The following F7 variants were observed in gnomAD, a reference collection of about 807,000 sequenced individuals.
F7 encodes the protein FVII coagulation protein.
A neutral mutation model predicts 47.5 loss-of-function variants in F7; 38 were observed. That is an observed-to-expected ratio of 0.80 (90% confidence interval 0.62 to 1.05). The LOEUF (loss-of-function observed/expected upper bound fraction) is 1.05, where lower values mean the gene tolerates loss of function less well. Ranked by LOEUF, F7 falls within the 50% of genes least tolerant of loss-of-function variation. The probability of loss-of-function intolerance (pLI) is 0.00; values close to 1 mark genes in which losing one functional copy is unlikely to be tolerated. For missense variants in F7, 575 were observed against 605.4 expected, an observed-to-expected ratio of 0.95 and a Z score of 0.53; for synonymous variants, 244 against 258.5, an observed-to-expected ratio of 0.94 and a Z score of 0.54.
intron 5 of F7, among the ~76,000 whole-genome samples, chr13:113,116,387 C>G (rs2036192727): frequency 6.6e-6 from 1 of 152,218 alleles, no homozygotes; most frequent in Admixed American, 6.5e-5. Flanking sequence ...AGCATGGGAT[C>G]AAAACAACAC....
At chr13:113,106,486 ATGGAAAGGGC>A in intron 1 of F7, among the ~76,000 whole-genome samples, 1 of 10,534 alleles carries the variant, frequency 9.5e-5, no homozygotes, top group Admixed American at 1.2e-3. Context: ...GGGATGGGGC[ATGGAAAGGGC>A]GTGTGGGGTG....
rs760098091 is a variant in F7, at chr13:113,105,797, A to G, written c.-45A>G. ...GCAGAGAACTTTGCCCGTCAGTCCC[A>G]TGGGGAATGTCAACAGGCAGGGGCA... On this transcript the variant is annotated 5_prime_UTR_variant, in exon 1 of 8. It removes an upstream start codon present in the reference 5' UTR. Transcript: ENST00000346342. The G allele has an allele frequency of 1.3e-5, 20 of 1,561,236 alleles. No individual in the cohort carries two copies. The Admixed American group carries it at 2.1e-4, about 16-fold the overall frequency.
In F7 at chr13:113,115,835, C is replaced by T. The variant is rs182854845; in HGVS notation, c.505+35C>T. On this transcript the variant is annotated intron_variant, in intron 5 of 7. Coordinates refer to ENST00000346342, the MANE Select transcript of F7 (RefSeq NM_019616.4). The stretch of plus-strand genomic sequence containing the variant: ...CTTCATGTCCCAGTCCCAGATGACA[C>T]CAGTCCCTGTCCCACTACGGATTAT... The T allele has an allele frequency of 3.7e-6, 6 of 1,612,404 alleles. No individual in the cohort carries two copies. The African/African-American group carries it at 6.7e-5, about 18-fold the overall frequency.
chr13:113,118,709 C>T lies in F7; in HGVS notation c.1036C>T (p.Gln346Ter), dbSNP rs377734791. Residue 346 changes from glutamine (Q) to a stop codon, truncating the protein, a stop_gained, in exon 8 of 8, where the codon CAG becomes TAG. Transcript: ENST00000346342. LOFTEE classifies it high-confidence loss of function. The part of the protein sequence containing the change: ...MVLNVPRLMT[Q>*]DCLQQSRKVG... ...CCTCAACGTGCCCCGGCTGATGACCCAGGACTGCCTGCAGCAGTCACGGAA... is the reference window on the plus strand; with the variant it reads ...CCTCAACGTGCCCCGGCTGATGACCTAGGACTGCCTGCAGCAGTCACGGAA... 6.2e-7 allele frequency: 1 copy of T among 1,613,034 alleles called. No homozygotes were observed. Among genetic ancestry groups the T allele is most frequent in the Non-Finnish European group, 8.5e-7 (1 of 1,179,960 alleles).
rs2036253129 is a variant in F7 at position 113,119,026 on chromosome 13, G to A, written c.*18G>A. 1.9e-6 allele frequency: 3 copies of A among 1,596,426 alleles called. No homozygotes were observed. The highest frequency in any genetic ancestry group is 1.3e-5 in the African/African-American group (1 of 74,888). On this transcript the variant is annotated 3_prime_UTR_variant, in exon 8 of 8. Transcript: ENST00000346342. ...TTCCCTAGCCCAGCAGCCCTGGCCT[G>A]TGGAGAGAAAGCCAAGGCTGCGTCG...
rs368187411 is a variant in F7 at position 113,118,465 on chromosome 13, G to A, written c.792G>A (p.Ala264=). The change falls in exon 8 of 8, where the codon GCG becomes GCA. Residue 264 remains alanine, a synonymous_variant. Transcript: ENST00000346342. ...GGGATGAGCAGAGCCGGCGGGTGGC[G>A]CAGGTCATCATCCCCAGCACGTACG... is the stretch of plus-strand genomic sequence containing the variant. The part of the protein sequence containing the change: ...HDGDEQSRRV[A]QVIIPSTYVP... 8.7e-6 allele frequency: 14 copies of A among 1,606,968 alleles called. No homozygotes were observed. In the African/African-American group the frequency reaches 9.3e-5, roughly 11 times the overall value.
At chr13:113,116,716 C>G (rs188842081) in intron 5 of F7, 50 bp from the exon 6 acceptor site, 3 of 1,381,274 alleles carry the variant, frequency 2.2e-6, no homozygotes, top group Non-Finnish European at 2.1e-6. Context: ...CCTAGTGGCA[C>G]GTTCATCCCT....
At chr13:113,106,269 G>A (rs561465745) in intron 1 of F7, among the ~76,000 whole-genome samples, 1 of 126,334 alleles carries the variant, frequency 7.9e-6, no homozygotes, top group East Asian at 2.3e-4. Flanking sequence ...GCACAGGTAG[G>A]GGACGGTGCG....
chr13:113,114,007 C>A, intron 4 of F7, 47 bp downstream of exon 4: 1 of 1,606,470 alleles, frequency 6.2e-7, no homozygotes, highest in Non-Finnish European at 8.5e-7. Context: ...CCCTGGGGAG[C>A]TGGTGGAGGT....
At chr13:113,114,332 G>GT (rs36209225) in intron 4 of F7, among the ~76,000 whole-genome samples, 1,267 of 66,998 alleles carry the variant, frequency 0.019, 27 homozygotes, top group East Asian at 0.18. Context: ...TGAGGGGTTT[G>GT]TTTTTTTTTT....
At position 113,115,794 on chromosome 13, in the gene F7, C is replaced by T. The variant is rs1479693459; in HGVS notation, c.499C>T (p.Pro167Ser). ...GCTGGCAGACGGGGTGTCCTGCACACCCACAGGTGACCAGGCTTCATGTCC... is the reference window on the plus strand; with the variant it reads ...GCTGGCAGACGGGGTGTCCTGCACATCCACAGGTGACCAGGCTTCATGTCC... ...SLLADGVSCT[P>S]TVEYPCGKIP... The change falls in exon 5 of 8, where the codon CCC becomes TCC. Residue 167 changes from proline (P) to serine (S), a missense_variant. By Grantham distance (74) the Pro-to-Ser change is moderately conservative (BLOSUM62 -1). Transcript: ENST00000346342. The T allele has an allele frequency of 3.7e-6, 6 of 1,613,246 alleles. No individual in the cohort carries two copies. The highest frequency in any genetic ancestry group is 3.4e-6 in the Non-Finnish European group (4 of 1,180,032).
chr13:113,118,275 G>T, intron 7 of F7, 138 bp from the exon 8 acceptor site: 1 of 964,772 alleles, frequency 1.0e-6, no homozygotes, highest in South Asian at 1.6e-5. Context: ...CCCACCTTGG[G>T]GTTAGATGCA....
intron 7 of F7, among the ~76,000 whole-genome samples, chr13:113,117,989 T>G (rs1436847281): frequency 3.9e-5 from 6 of 152,204 alleles, no homozygotes; most frequent in Non-Finnish European, 8.8e-5. Context: ...CTGCCCATCC[T>G]GCCTCACTTG....
At chr13:113,111,539 C>A (rs1476825841) in intron 2 of F7, among the ~76,000 whole-genome samples, 75 of 35,252 alleles carry the variant, frequency 2.1e-3, no homozygotes, top group African/African-American at 8.0e-3. Context: ...TCACAGGACA[C>A]CTCACACTCA....
In F7 at chr13:113,120,013, C is replaced by G. The variant is rs375905345; in HGVS notation, c.*1005C>G. 5 of 152,408 alleles carry G rather than the reference C, an allele frequency of 3.3e-5. No homozygotes were observed. In the East Asian group the frequency reaches 7.7e-4, roughly 23 times the overall value. 9.4% of individuals were successfully genotyped at this position (152,408 alleles called of 1,614,324 possible). On this transcript the variant is annotated 3_prime_UTR_variant, in exon 8 of 8. Coordinates refer to ENST00000346342, the MANE Select transcript of F7 (RefSeq NM_019616.4). ...TAAACGGCTGCGTCTCCTCCGCACA[C>G]CTGTGGTGCCTGCCACCCACTGGGT...
chr13:113,112,637 T>TCA (rs2036123751), intron 2 of F7, among the ~76,000 whole-genome samples: 1 of 101,928 alleles, frequency 9.8e-6, no homozygotes, highest in East Asian at 3.2e-4. Context: ...CACTTCACAC[T>TCA]CAGGTCACCT....
intron 1 of F7, chr13:113,110,210 A>AG (rs2036062604): frequency 6.1e-6 from 1 of 164,182 alleles, no homozygotes; most frequent in Admixed American, 6.5e-5. Context: ...GCCTCGGACC[A>AG]GGACGGAGGC....
chr13:113,106,223 G>A (rs1333173155), intron 1 of F7, among the ~76,000 whole-genome samples: 3 of 140,688 alleles, frequency 2.1e-5, no homozygotes, highest in African/African-American at 5.5e-5. Flanking sequence ...CTCTCAGAGT[G>A]CAGGAAGTGC....
chr13:113,108,360 G>A (rs1303542753), intron 1 of F7, among the ~76,000 whole-genome samples: 2 of 82,716 alleles, frequency 2.4e-5, no homozygotes, highest in Non-Finnish European at 2.6e-5. Context: ...AGGGTGTCCC[G>A]GGAGTGTGGG....
Sources: gnomAD v4.1 joint callset for allele counts (sites outside exome capture counted in the v4.1 genomes callset) on GRCh38, gnomAD v4.1.1 for gene constraint, MANE v1.5 for transcripts, NCBI Gene and HGNC (gene_info 2026-07-23, HGNC 2026-07-21) for gene names.